Variants in PSMD1 observed in about 807,000 individuals in gnomAD.
PSMD1 encodes 26S proteasome non-ATPase regulatory subunit 1.
A neutral mutation model predicts 119.0 loss-of-function variants in PSMD1; 18 were observed. The ratio of observed to expected loss-of-function variants is 0.15; its 90% confidence interval spans 0.10 to 0.22. PSMD1 has a LOEUF of 0.22. Among genes scored for constraint, PSMD1 ranks in the 10% least tolerant of loss-of-function variants. PSMD1 has a pLI of 1.00. For synonymous variants in PSMD1, 374 were observed against 396.6 expected (o/e 0.94, Z 0.68); for missense variants, 702 against 1,158.5 (o/e 0.61, Z 5.72).
At position 231,145,444 on chromosome 2, in the gene PSMD1, C is replaced by T. The variant is rs1393351703; in HGVS notation, c.1999-796C>T. Among the ~76,000 whole-genome samples the T allele has an allele frequency of 2.6e-4, 39 of 152,086 alleles. 1 individual carries two copies. The highest frequency in any genetic ancestry group is 2.5e-3 in the Admixed American group (38 of 15,270). On this transcript the variant is annotated intron_variant, in intron 17 of 24. Coordinates refer to ENST00000308696, the MANE Select transcript of PSMD1 (RefSeq NM_002807.4). ...AGTGTTGAGTGAATGTGAGGGCGTACGACACTATTGTCACTATAATAGACT... is the reference window on the plus strand; with the variant it reads ...AGTGTTGAGTGAATGTGAGGGCGTATGACACTATTGTCACTATAATAGACT...
At chr2:231,074,832 T>G (rs1263760944) in intron 7 of PSMD1, among the ~76,000 whole-genome samples, 1 of 152,146 alleles carries the variant, frequency 6.6e-6, no homozygotes, top group African/African-American at 2.4e-5. Context: ...ATGGCTTTTG[T>G]TTTGGGATCT....
intron 4 of PSMD1, among the ~76,000 whole-genome samples, chr2:231,063,614 A>G (rs1693816047): frequency 6.6e-6 from 1 of 152,224 alleles, no homozygotes; most frequent in African/African-American, 2.4e-5. Flanking sequence ...TTCTGTGTTC[A>G]TGTTTTTAAA....
At chr2:231,089,909 T>C (rs1694546624) in intron 16 of PSMD1, among the ~76,000 whole-genome samples, 1 of 152,182 alleles carries the variant, frequency 6.6e-6, no homozygotes, top group African/African-American at 2.4e-5. Flanking sequence ...GTTAATCTCC[T>C]TTGGCAGCGC....
chr2:231,166,071 G>C (rs1400714251), intron 23 of PSMD1, 54 bp downstream of exon 23: 11 of 1,455,604 alleles, frequency 7.6e-6, no homozygotes, highest in Non-Finnish European at 1.0e-5. Flanking sequence ...TAATCCATAG[G>C]ACAATAGAAT....
In PSMD1 at chr2:231,170,859, G is replaced by T. The variant is rs975524927; in HGVS notation, c.*9+138G>T. On this transcript the variant is annotated intron_variant, in intron 24 of 24. Transcript: ENST00000308696. This position sits in a 1 kb window ranked among gnomAD's most constrained non-coding sequence, Gnocchi z 4.1. The stretch of plus-strand genomic sequence containing the variant: ...ACCTAAACAGTATTAAAACTTCCCC[G>T]TTTCAACCTTTTTCTGCATATATAA... The T allele has an allele frequency of 2.2e-6, 2 of 924,294 alleles. No homozygotes were observed. The highest frequency in any genetic ancestry group is 5.9e-5 in the East Asian group (2 of 33,672). 57.3% of individuals were successfully genotyped at this position (924,294 alleles called of 1,614,324 possible).
intron 17 of PSMD1, among the ~76,000 whole-genome samples, chr2:231,141,561 C>T (rs543711566): frequency 1.8e-4 from 27 of 151,140 alleles, no homozygotes; most frequent in Non-Finnish European, 3.4e-4. Context: ...GGACTGCAAA[C>T]GCATACCACC....
Position 231,165,281 on chromosome 2 carries a change from G to C in PSMD1, c.2563G>C (p.Glu855Gln). Residue 855 changes from glutamate (E) to glutamine (Q), a missense_variant, in exon 22 of 25, where the codon GAA becomes CAA. Glu to Gln is a conservative substitution (Grantham distance 29). Coordinates refer to ENST00000308696, the MANE Select transcript of PSMD1 (RefSeq NM_002807.4). ...EKEKKEEEKMEVDEAEKKEEK... is the reference protein window; with the variant it reads ...EKEKKEEEKMQVDEAEKKEEK... ...GGAAAAAAAGGAGGAGGAGAAAATG[G>C]AAGTGGTAGGTATAAATTGGTGGTC... 6.3e-7 allele frequency: 1 copy of C among 1,596,046 alleles called. No homozygotes were observed. Among genetic ancestry groups the C allele is most frequent in the Non-Finnish European group, 8.6e-7 (1 of 1,168,656 alleles).
intron 16 of PSMD1, among the ~76,000 whole-genome samples, chr2:231,126,323 G>A (rs371582017): frequency 6.6e-6 from 1 of 152,014 alleles, no homozygotes; most frequent in African/African-American, 2.4e-5. Flanking sequence ...GAGGGTTAGG[G>A]GTCAGGGGAG....
chr2:231,148,206 T>G (rs1274431925), intron 18 of PSMD1, among the ~76,000 whole-genome samples: 1 of 152,230 alleles, frequency 6.6e-6, no homozygotes, highest in Non-Finnish European at 1.5e-5. Flanking sequence ...GCTTTTGATC[T>G]TCAACTGAGC....
Position 231,170,852 on chromosome 2 carries a change from C to CAGTA in PSMD1, c.*9+131_*9+132insAGTA. On this transcript the variant is annotated intron_variant, in intron 24 of 24. Coordinates refer to ENST00000308696, the MANE Select transcript of PSMD1 (RefSeq NM_002807.4). The surrounding 1 kb of genome is among the most constrained non-coding windows in gnomAD (Gnocchi z 4.1). ...CTTATTTACCTAAACAGTATTAAAA[C>CAGTA]TTCCCCGTTTCAACCTTTTTCTGCA... 9.9e-7 allele frequency: 1 copy of CAGTA among 1,014,442 alleles called. No individual in the cohort carries two copies. Among genetic ancestry groups the CAGTA allele is most frequent in the Non-Finnish European group, 1.4e-6 (1 of 731,676 alleles). The allele number at this position is 1,014,442 out of a possible 1,614,324, so 62.8% of individuals were successfully genotyped here.
chr2:231,150,892 C>T lies in PSMD1; in HGVS notation c.2116-2672C>T, dbSNP rs187018146. Among the ~76,000 whole-genome samples, 308 of 152,264 alleles carry T rather than the reference C, an allele frequency of 2.0e-3. 1 individual carries two copies. Among genetic ancestry groups the T allele is most frequent in the African/African-American group, 7.1e-3 (293 of 41,554 alleles). On this transcript the variant is annotated intron_variant, in intron 18 of 24. Coordinates refer to ENST00000308696, the MANE Select transcript of PSMD1 (RefSeq NM_002807.4). ...AGAAAAATAGAAAGGAGGAGTAACA[C>T]TCAGATGATAAGTACCAACAGAAAC...
Position 231,079,933 on chromosome 2 carries a change from T to A in PSMD1, c.1240-208T>A, listed in dbSNP as rs191777045. Among the ~76,000 whole-genome samples the A allele has an allele frequency of 1.3e-3, 202 of 152,280 alleles. 2 individuals carry two copies. Among genetic ancestry groups the A allele is most frequent in the Non-Finnish European group, 3.8e-4 (26 of 68,016 alleles). ...GGAAAAAATTGAAGCATTTGTGATT[T>A]TTTTTTTTTCTAACCAGAGTGTAAC... On this transcript the variant is annotated intron_variant, in intron 11 of 24. Coordinates refer to ENST00000308696, the MANE Select transcript of PSMD1 (RefSeq NM_002807.4).
Position 231,080,094 on chromosome 2 carries a change from T to C in PSMD1, c.1240-47T>C, listed in dbSNP as rs771116718. On this transcript the variant is annotated intron_variant, in intron 11 of 24. Transcript: ENST00000308696. ...ATCATAGAAAACATTGTCTTTTTTCTTCTTACTTTCTCTTTTTGATGTCTT... is the reference window on the plus strand; with the variant it reads ...ATCATAGAAAACATTGTCTTTTTTCCTCTTACTTTCTCTTTTTGATGTCTT... 5.2e-5 allele frequency: 79 copies of C among 1,517,746 alleles called. No homozygotes were observed. In the Middle Eastern group the frequency reaches 2.8e-3, roughly 53 times the overall value. 94.0% of individuals were successfully genotyped at this position (1,517,746 alleles called of 1,614,324 possible). A position where few individuals can be genotyped will look rare whatever the true frequency, so the allele number is the denominator to read the frequency against.
intron 13 of PSMD1, 34 bp downstream of exon 13, chr2:231,083,028 G>A: frequency 2.1e-6 from 3 of 1,461,016 alleles, no homozygotes; most frequent in Non-Finnish European, 2.9e-6. Context: ...ACAAGCTTAA[G>A]TATTAATTAA....
At chr2:231,080,862 G>A (rs1016283079) in intron 12 of PSMD1, among the ~76,000 whole-genome samples, 1 of 152,272 alleles carries the variant, frequency 6.6e-6, no homozygotes, top group Middle Eastern at 3.4e-3. Flanking sequence ...TGAAGCCAGG[G>A]CTGGGCACGG....
chr2:231,064,705 G>C (rs1693855085), intron 4 of PSMD1, among the ~76,000 whole-genome samples: 1 of 152,098 alleles, frequency 6.6e-6, no homozygotes, highest in African/African-American at 2.4e-5. Flanking sequence ...TTTCTCTGTT[G>C]CCCGGGCTGG....
At chr2:231,082,186 C>T (rs7586097) in intron 12 of PSMD1, among the ~76,000 whole-genome samples, 12,515 of 152,234 alleles carry the variant, frequency 0.082, 658 homozygotes, top group South Asian at 0.21. Context: ...CCTCAGCCTC[C>T]CGAGTAGCTG....
At position 231,077,044 on chromosome 2, in the gene PSMD1, C is replaced by T. The variant is rs772658140; in HGVS notation, c.953C>T (p.Pro318Leu). Residue 318 changes from proline (P) to leucine (L), a missense_variant, in exon 9 of 25, where the codon CCT becomes CTT. Around this residue, in one of 9 missense-constraint regions of PSMD1, gnomAD observed 69 missense variants for 71.6 expected, o/e 0.96. Transcript: ENST00000308696. Reference sequence around the variant, plus strand: ...TGTTTGTTTTGGCAGAGTCCAGAGCCTAAGGACCAGACTTTGAAAATGATT... The same window carrying T: ...TGTTTGTTTTGGCAGAGTCCAGAGCTTAAGGACCAGACTTTGAAAATGATT... ...VGKTPEASPE[P>L]KDQTLKMIKI... 6.2e-7 allele frequency: 1 copy of T among 1,600,380 alleles called. No individual in the cohort carries two copies. Among genetic ancestry groups the T allele is most frequent in the South Asian group, 1.1e-5 (1 of 87,660 alleles).
chr2:231,089,090 G>T (rs1694522994), intron 16 of PSMD1, among the ~76,000 whole-genome samples: 1 of 152,198 alleles, frequency 6.6e-6, no homozygotes, highest in Admixed American at 6.5e-5. Flanking sequence ...TAACTCTTCA[G>T]TTCTGGAAAG....
Sources: gnomAD v4.1 joint callset for allele counts (sites outside exome capture counted in the v4.1 genomes callset) on GRCh38, gnomAD v4.1.1 for gene constraint, gnomAD v4.1.1 regional missense constraint, Gnocchi (gnomAD v3.1) non-coding constraint, MANE v1.5 for transcripts, NCBI Gene and HGNC (gene_info 2026-07-23, HGNC 2026-07-21) for gene names.